PIEZO2: variants seen among roughly 807,000 people sequenced by gnomAD.
PIEZO2 encodes the protein piezo-type mechanosensitive ion channel component 2.
In PIEZO2, 172 loss-of-function variants were observed where a neutral mutation model predicts 337.3. That is an observed-to-expected ratio of 0.51 (90% CI 0.45 to 0.58). The LOEUF (loss-of-function observed/expected upper bound fraction) is 0.58, where lower values mean the gene tolerates loss of function less well. Ranked by LOEUF, PIEZO2 falls within the 20% of genes least tolerant of loss-of-function variation. PIEZO2 has a pLI of 0.00. For missense variants in PIEZO2, 3,028 were observed against 3,391.3 expected (o/e 0.89, Z 2.66); for synonymous variants, 1,251 against 1,228.5 (o/e 1.02, Z -0.38).
intron 2 of PIEZO2, among the ~76,000 whole-genome samples, chr18:11,058,469 A>G (rs1328359373): frequency 6.6e-6 from 1 of 152,188 alleles, no homozygotes; most frequent in Non-Finnish European, 1.5e-5. Context: ...AGATGATCAA[A>G]CTACTCTGAG....
intron 3 of PIEZO2, among the ~76,000 whole-genome samples, chr18:10,928,758 T>G (rs1205969744): frequency 5.9e-5 from 9 of 152,220 alleles, no homozygotes; most frequent in Admixed American, 5.9e-4. Flanking sequence ...TGTGGCCATC[T>G]TCCTTGGAGC....
At chr18:10,763,300 A>T (rs925421135) in intron 21 of PIEZO2, 3 of 586,140 alleles carry the variant, frequency 5.1e-6, no homozygotes, top group Middle Eastern at 4.4e-4. Context: ...TATGTCTTGT[A>T]TGGCAGACAG....
Position 10,979,096 on chromosome 18 carries a change from T to C in PIEZO2, c.286+439A>G, listed in dbSNP as rs2034561868. On this transcript the variant is annotated intron_variant, in intron 3 of 55. Transcript: ENST00000674853. The surrounding 1 kb of genome is among the most constrained non-coding windows in gnomAD (Gnocchi z 4.0). The stretch of plus-strand genomic sequence containing the variant: ...ATTTTTCCCATAAAAACATGAGAAA[T>C]TTTAACATTGTTCTTTGTAATAGGA... 6.6e-6 allele frequency among the ~76,000 whole-genome samples: 1 copy of C among 152,142 alleles called. No homozygotes were observed. The highest frequency in any genetic ancestry group is 6.5e-5 in the Admixed American group (1 of 15,272).
In PIEZO2 at chr18:10,846,171, C is replaced by T. The variant is rs1274331318; in HGVS notation, c.917+9182G>A. ...TTACAAAAGAATGAGGTTTATTGGA[C>T]TTACAGTTCCACATGGCTAGGGAGG... On this transcript the variant is annotated intron_variant, in intron 7 of 55. Coordinates refer to ENST00000674853, the MANE Select transcript of PIEZO2 (RefSeq NM_001378183.1). This position sits in a 1 kb window ranked among gnomAD's most constrained non-coding sequence, Gnocchi z 4.1. Among the ~76,000 whole-genome samples the T allele has an allele frequency of 6.6e-6, 1 of 152,198 alleles. No individual in the cohort carries two copies. Among genetic ancestry groups the T allele is most frequent in the Non-Finnish European group, 1.5e-5 (1 of 68,040 alleles).
chr18:10,826,412 G>A (rs1304073335), intron 7 of PIEZO2, among the ~76,000 whole-genome samples: 2 of 152,118 alleles, frequency 1.3e-5, no homozygotes, highest in Non-Finnish European at 2.9e-5. Flanking sequence ...TCTCAAACAG[G>A]AAGACACCTG....
chr18:10,817,338 T>C (rs1220159498), intron 7 of PIEZO2, among the ~76,000 whole-genome samples: 1 of 152,166 alleles, frequency 6.6e-6, no homozygotes, highest in East Asian at 1.9e-4. Flanking sequence ...CTATTAAAAG[T>C]TGTTTGAGGT....
intron 2 of PIEZO2, among the ~76,000 whole-genome samples, chr18:10,990,801 T>C (rs1048347630): frequency 6.6e-6 from 1 of 151,710 alleles, no homozygotes; most frequent in East Asian, 1.9e-4. Context: ...TAGTAAATAA[T>C]ATATATTGAA....
intron 3 of PIEZO2, among the ~76,000 whole-genome samples, chr18:10,960,440 A>G (rs1418287501): frequency 1.3e-5 from 2 of 152,214 alleles, no homozygotes; most frequent in African/African-American, 2.4e-5. Context: ...AAAAACATGA[A>G]GAGTGAGATA....
intron 54 of PIEZO2, among the ~76,000 whole-genome samples, chr18:10,674,927 A>G (rs1334486088): frequency 6.6e-6 from 1 of 152,222 alleles, no homozygotes; most frequent in African/African-American, 2.4e-5. Flanking sequence ...TGCTAATAGA[A>G]ACAAGTCTAT....
chr18:10,930,216 T>G (rs1164533495), intron 3 of PIEZO2, among the ~76,000 whole-genome samples: 2 of 152,234 alleles, frequency 1.3e-5, no homozygotes, highest in African/African-American at 4.8e-5. Context: ...ACTAGGTCGC[T>G]TTGGAGAGTC....
chr18:10,806,576 A>G (rs540720456), intron 8 of PIEZO2, among the ~76,000 whole-genome samples: 1 of 152,104 alleles, frequency 6.6e-6, no homozygotes, highest in South Asian at 2.1e-4. Flanking sequence ...CTGGGCTATC[A>G]CTCCATCTTC....
intron 48 of PIEZO2, among the ~76,000 whole-genome samples, chr18:10,690,977 C>T (rs1387500902): frequency 6.6e-6 from 1 of 152,132 alleles, no homozygotes; most frequent in Non-Finnish European, 1.5e-5. Context: ...AATATTATCA[C>T]AGTAATTATG....
intron 2 of PIEZO2, among the ~76,000 whole-genome samples, chr18:10,991,155 TAC>T (rs374157292): frequency 0.034 from 4,697 of 140,006 alleles, 70 homozygotes; most frequent in Middle Eastern, 0.075. Context: ...GAAGGTTTTA[TAC>T]ACACACACAC....
Position 10,803,972 on chromosome 18 carries a change from T to C in PIEZO2, c.1103A>G (p.Glu368Gly), listed in dbSNP as rs2039911990. ...GCTACAAGCCAGGGCTTTGTCCTCTTCTTTGGTCCCCTCATCCTGCACCTG... is the reference window on the plus strand; with the variant it reads ...GCTACAAGCCAGGGCTTTGTCCTCTCCTTTGGTCCCCTCATCCTGCACCTG... ...EPLVQDEGTKEEDKALACSPI... is the reference protein window; with the variant it reads ...EPLVQDEGTKGEDKALACSPI... Residue 368 changes from glutamate (E) to glycine (G), a missense_variant, in exon 9 of 56, where the codon GAA becomes GGA. By Grantham distance (98) the Glu-to-Gly change is moderately conservative. Around this residue, in one of 5 missense-constraint regions of PIEZO2, gnomAD observed 542 missense variants for 605.6 expected, o/e 0.89. Coordinates refer to ENST00000674853, the MANE Select transcript of PIEZO2 (RefSeq NM_001378183.1). 1.3e-6 allele frequency: 2 copies of C among 1,537,288 alleles called. No homozygotes were observed. Among genetic ancestry groups the C allele is most frequent in the African/African-American group, 1.4e-5 (1 of 73,066 alleles).
chr18:11,023,201 G>A (rs1422776195), intron 2 of PIEZO2, among the ~76,000 whole-genome samples: 1 of 152,108 alleles, frequency 6.6e-6, no homozygotes, highest in South Asian at 2.1e-4. Flanking sequence ...CTGCTGGCTC[G>A]GGCAGCCTGC....
chr18:10,725,870 G>A (rs1348305133), intron 36 of PIEZO2, among the ~76,000 whole-genome samples: 1 of 152,172 alleles, frequency 6.6e-6, no homozygotes, highest in Non-Finnish European at 1.5e-5. Flanking sequence ...GACACACGGC[G>A]CCTGGTTTAG....
chr18:10,931,603 T>C (rs2032088818), intron 3 of PIEZO2, among the ~76,000 whole-genome samples: 1 of 152,144 alleles, frequency 6.6e-6, no homozygotes, highest in Non-Finnish European at 1.5e-5. Context: ...AATCCCACCA[T>C]ACAGAAATTA....
rs563464674 is a variant in PIEZO2, at chr18:10,753,522, C to T, written c.3924-643G>A. ...TGCAACAAGCAGCAGCTCTAGCCTG[C>T]GGGTCAATGTCATCTGACAGGAGTC... On this transcript the variant is annotated intron_variant, in intron 27 of 55. Transcript: ENST00000674853. Among the ~76,000 whole-genome samples the T allele has an allele frequency of 9.8e-5, 15 of 152,304 alleles. No individual in the cohort carries two copies. The South Asian group carries it at 2.7e-3, about 27-fold the overall frequency.
chr18:10,688,062 A>G (rs1201932131), intron 49 of PIEZO2, among the ~76,000 whole-genome samples: 2 of 152,196 alleles, frequency 1.3e-5, no homozygotes, highest in Non-Finnish European at 2.9e-5. Flanking sequence ...ATAGGTATAC[A>G]TGTGCCGTGG....
Sources: gnomAD v4.1 joint callset for allele counts (sites outside exome capture counted in the v4.1 genomes callset) on GRCh38, gnomAD v4.1.1 for gene constraint, gnomAD v4.1.1 regional missense constraint, Gnocchi (gnomAD v3.1) non-coding constraint, MANE v1.5 for transcripts, NCBI Gene and HGNC (gene_info 2026-07-23, HGNC 2026-07-21) for gene names.